IGF1: variants seen among roughly 807,000 people sequenced by gnomAD.
IGF1 encodes the protein insulin-like growth factor 1.
Under a neutral mutation model 13.8 loss-of-function variants are expected in IGF1, and 4 were observed. The observed-to-expected ratio is 0.29, with a 90% CI of 0.14 to 0.66. IGF1 has a LOEUF of 0.66. Ranked by LOEUF, IGF1 falls within the 30% of genes least tolerant of loss-of-function variation. The pLI is 0.78. For synonymous variants in IGF1, 76 were observed against 72.6 expected (o/e 1.05, Z -0.23); for missense variants, 124 against 188.5 (o/e 0.66, Z 2.00).
intron 2 of IGF1, 145 bp from the exon 3 acceptor site, chr12:102,419,835 C>T (rs1875542248): frequency 1.3e-6 from 1 of 760,918 alleles, no homozygotes. Context: ...CCCAATGATT[C>T]CTGACCCCAC....
At chr12:102,449,260 A>C (rs1878685362) in intron 2 of IGF1, among the ~76,000 whole-genome samples, 1 of 152,146 alleles carries the variant, frequency 6.6e-6, no homozygotes, top group Non-Finnish European at 1.5e-5. Flanking sequence ...GACATGGATG[A>C]AGCTGAAAAC....
chr12:102,406,792 T>G (rs1028349560), intron 3 of IGF1, among the ~76,000 whole-genome samples: 8 of 152,024 alleles, frequency 5.3e-5, no homozygotes, highest in African/African-American at 1.9e-4. Flanking sequence ...ATCCACAGAC[T>G]TTTCAATTAA....
intron 2 of IGF1, among the ~76,000 whole-genome samples, chr12:102,466,952 T>C (rs1423562297): frequency 2.0e-5 from 3 of 152,054 alleles, no homozygotes; most frequent in African/African-American, 7.2e-5. Flanking sequence ...CTTGGTCTCA[T>C]AAAGAGGTTG....
At chr12:102,476,806 G>A (rs550135246) in intron 1 of IGF1, among the ~76,000 whole-genome samples, 4 of 152,188 alleles carry the variant, frequency 2.6e-5, no homozygotes, top group Non-Finnish European at 5.9e-5. Context: ...CGGCAGCCTT[G>A]CCAAAAGCAG....
chr12:102,430,419 A>G (rs1299172569), intron 2 of IGF1, among the ~76,000 whole-genome samples: 1 of 152,206 alleles, frequency 6.6e-6, no homozygotes, highest in African/African-American at 2.4e-5. Context: ...AGCTACATTT[A>G]GTAACCTTTA....
At chr12:102,407,094 C>CAAA (rs57468885) in intron 3 of IGF1, among the ~76,000 whole-genome samples, 3 of 100,990 alleles carry the variant, frequency 3.0e-5, no homozygotes, top group Non-Finnish European at 3.8e-5. Context: ...ACTCTGTCTC[C>CAAA]AAAAAAAAAA....
Position 102,398,867 on chromosome 12 carries a change from T to C in IGF1, c.*3640A>G, listed in dbSNP as rs1873443803. On this transcript the variant is annotated 3_prime_UTR_variant, in exon 4 of 4. Transcript: ENST00000337514. The stretch of plus-strand genomic sequence containing the variant: ...CACATTGGCATAGCTGGCCAAACAA[T>C]AAATGGGAAAGCAAAATGTGCTACA... 6.6e-6 allele frequency: 1 copy of C among 152,234 alleles called. No homozygotes were observed. Among genetic ancestry groups the C allele is most frequent in the African/African-American group, 2.4e-5 (1 of 41,318 alleles). The allele number at this position is 152,234 out of a possible 1,614,324, so 9.4% of individuals were successfully genotyped here.
At chr12:102,442,093 G>T (rs970591285) in intron 2 of IGF1, among the ~76,000 whole-genome samples, 17 of 151,746 alleles carry the variant, frequency 1.1e-4, no homozygotes, top group Admixed American at 3.9e-4. Flanking sequence ...GGGACTGCAG[G>T]CATGCATTAC....
At chr12:102,478,586 T>C in intron 1 of IGF1, 1 of 1,565,184 alleles carries the variant, frequency 6.4e-7, no homozygotes, top group Non-Finnish European at 8.7e-7. Flanking sequence ...CTTAAAAACA[T>C]GTGCTGCTTT....
intron 3 of IGF1, among the ~76,000 whole-genome samples, chr12:102,412,986 C>G (rs1212758774): frequency 6.6e-6 from 1 of 152,190 alleles, no homozygotes; most frequent in Non-Finnish European, 1.5e-5. Context: ...TTAGGGATGA[C>G]AGAAAAGCTG....
intron 2 of IGF1, among the ~76,000 whole-genome samples, chr12:102,468,676 G>A (rs1007419022): frequency 6.6e-6 from 1 of 152,214 alleles, no homozygotes; most frequent in African/African-American, 2.4e-5. Flanking sequence ...GAACTTTCCA[G>A]GCAACCTAAA....
intron 2 of IGF1, among the ~76,000 whole-genome samples, chr12:102,420,608 C>A (rs936328602): frequency 6.6e-6 from 1 of 152,088 alleles, no homozygotes; most frequent in Non-Finnish European, 1.5e-5. Flanking sequence ...CAATACCAAT[C>A]TAGTAGGGCT....
chr12:102,402,676 A>G (rs1873787861), intron 3 of IGF1, 110 bp from the exon 4 acceptor site: 2 of 753,818 alleles, frequency 2.7e-6, no homozygotes, highest in South Asian at 2.7e-5. Flanking sequence ...CAGTTGAGCT[A>G]ATAGAGAGCT....
At chr12:102,468,791 C>T (rs1376056701) in intron 2 of IGF1, among the ~76,000 whole-genome samples, 2 of 152,208 alleles carry the variant, frequency 1.3e-5, no homozygotes, top group African/African-American at 2.4e-5. Flanking sequence ...TCAAAGATGT[C>T]TGGCTGCACA....
In IGF1 at chr12:102,400,951, T is replaced by C. The variant is rs1474872167; in HGVS notation, c.*1556A>G. On this transcript the variant is annotated 3_prime_UTR_variant, in exon 4 of 4. Transcript: ENST00000337514. ...TTCCCACATATTTTGAAAAGTGTTT[T>C]AAGAGATTGAGCTGTTAGCTTTTAA... is the stretch of plus-strand genomic sequence containing the variant. 1 of 152,248 alleles carries C rather than the reference T, an allele frequency of 6.6e-6. No homozygotes were observed. The highest frequency in any genetic ancestry group is 1.5e-5 in the Non-Finnish European group (1 of 68,034). 9.4% of individuals were successfully genotyped at this position (152,248 alleles called of 1,614,324 possible).
intron 2 of IGF1, among the ~76,000 whole-genome samples, chr12:102,441,906 G>GCTGCTGCTGCTGCTGCTGCTTCTTCTT: frequency 1.8e-4 from 18 of 100,346 alleles, no homozygotes; most frequent in African/African-American, 5.1e-4. Context: ...CTATTACACT[G>GCTGCTGCTGCTGCTGCTGCTTCTTCTT]CTTCTTCTCC....
chr12:102,454,684 T>G (rs1379751026), intron 2 of IGF1, among the ~76,000 whole-genome samples: 1 of 152,148 alleles, frequency 6.6e-6, no homozygotes, highest in Non-Finnish European at 1.5e-5. Flanking sequence ...ATTGAGCCAG[T>G]AGAGTTATCC....
At chr12:102,456,806 G>A (rs537373546) in intron 2 of IGF1, among the ~76,000 whole-genome samples, 9 of 152,250 alleles carry the variant, frequency 5.9e-5, no homozygotes, top group African/African-American at 2.2e-4. Flanking sequence ...AGGAATGACA[G>A]TCCCCACGTT....
At chr12:102,440,326 C>T (rs1228061420) in intron 2 of IGF1, among the ~76,000 whole-genome samples, 2 of 152,194 alleles carry the variant, frequency 1.3e-5, no homozygotes, top group East Asian at 3.8e-4. Context: ...GATGGGCCTG[C>T]TTCTCCATCT....
Sources: allele counts gnomAD v4.1 joint callset (sites outside exome capture counted in the v4.1 genomes callset), GRCh38; gene constraint gnomAD v4.1.1; transcripts MANE v1.5; gene names NCBI Gene and HGNC (gene_info 2026-07-23, HGNC 2026-07-21).